MPP2: variants seen among roughly 807,000 people sequenced by gnomAD.
The protein encoded by MPP2 is MAGUK p55 scaffold protein 2, also known as MAGUK p55 subfamily member 2.
In MPP2, 42 loss-of-function variants were observed where a neutral mutation model predicts 58.5. The observed-to-expected ratio is 0.72, with a 90% CI of 0.56 to 0.93. MPP2 has a LOEUF of 0.93. Ranked by LOEUF, MPP2 falls within the 40% of genes least tolerant of loss-of-function variation. MPP2 has a pLI of 0.00. For missense variants in MPP2, 632 were observed against 760.4 expected (o/e 0.83, Z 1.99); for synonymous variants, 300 against 307.8 (o/e 0.97, Z 0.26).
At chr17:43,886,239 T>C (rs1027462510) in intron 3 of MPP2, among the ~76,000 whole-genome samples, 1 of 152,156 alleles carries the variant, frequency 6.6e-6, no homozygotes, top group Admixed American at 6.5e-5. Flanking sequence ...AAATATGTCA[T>C]AGAAATCACT....
chr17:43,893,172 C>G (rs1397639633), intron 3 of MPP2, among the ~76,000 whole-genome samples: 2 of 152,154 alleles, frequency 1.3e-5, no homozygotes, highest in Non-Finnish European at 2.9e-5. Context: ...GGCAAGAGGG[C>G]TGTCTCATTC....
At chr17:43,896,111 C>T (rs2047835612) in intron 3 of MPP2, among the ~76,000 whole-genome samples, 2 of 152,132 alleles carry the variant, frequency 1.3e-5, no homozygotes, top group African/African-American at 2.4e-5. Flanking sequence ...ACAGAGTCCC[C>T]GCTCTACAGA....
rs182429499 is a variant in MPP2 at position 43,893,592 on chromosome 17, C to T, written c.150+4670G>A. Among the ~76,000 whole-genome samples, 266 of 152,350 alleles carry T rather than the reference C, an allele frequency of 1.7e-3. 1 individual carries two copies. The highest frequency in any genetic ancestry group is 6.2e-3 in the African/African-American group (257 of 41,586). ...AACAGCAGGAGGTGAGCAAGCATTA[C>T]TGCCTGAGCTCCACCTCCTGTCAGA... On this transcript the variant is annotated intron_variant, in intron 3 of 12. Transcript: ENST00000269095.
chr17:43,901,600 C>T (rs2048098852), intron 2 of MPP2: 1 of 985,276 alleles, frequency 1.0e-6, no homozygotes, highest in Non-Finnish European at 1.2e-6. Flanking sequence ...TAGAATTACA[C>T]ACCAGGACAG....
upstream of MPP2, among the ~76,000 whole-genome samples, chr17:43,908,833 G>A (rs2048374477): frequency 6.6e-6 from 1 of 152,236 alleles, no homozygotes; most frequent in Non-Finnish European, 1.5e-5. Flanking sequence ...TCTCCCCTGA[G>A]TTCCAAGGGT....
chr17:43,891,526 A>C (rs1432162741), intron 3 of MPP2, among the ~76,000 whole-genome samples: 1 of 151,902 alleles, frequency 6.6e-6, no homozygotes, highest in East Asian at 1.9e-4. Context: ...AAAAAAAAAA[A>C]AACTTACACT....
At chr17:43,892,035 G>A (rs767246048) in intron 3 of MPP2, among the ~76,000 whole-genome samples, 15 of 152,198 alleles carry the variant, frequency 9.9e-5, no homozygotes, top group Non-Finnish European at 1.3e-4. Flanking sequence ...CATGTCAGCC[G>A]TCCCAGATGC....
In MPP2 at chr17:43,876,010, A is replaced by G. The variant is rs1392305035; in HGVS notation, c.*1797T>C. ...CAGAGCTGAATCAGGATGAAAGGAC[A>G]CTGACTAAGGGAAAAGAGGAGCAGG... On this transcript the variant is annotated 3_prime_UTR_variant, in exon 13 of 13. Coordinates refer to ENST00000269095, the MANE Select transcript of MPP2 (RefSeq NM_005374.5). The G allele has an allele frequency of 2.6e-5, 4 of 152,344 alleles. No homozygotes were observed. The highest frequency in any genetic ancestry group is 9.7e-5 in the African/African-American group (4 of 41,424). 9.4% of individuals were successfully genotyped at this position (152,344 alleles called of 1,614,324 possible). A position where few individuals can be genotyped will look rare whatever the true frequency, so the allele number is the denominator to read the frequency against.
intron 2 of MPP2, 67 bp downstream of exon 2, chr17:43,904,363 C>A: frequency 1.3e-6 from 2 of 1,520,144 alleles, no homozygotes; most frequent in South Asian, 2.3e-5. Flanking sequence ...CAAGTGCCCA[C>A]CCCTAAGTCC....
chr17:43,906,024 C>T, intron 1 of MPP2: 1 of 902,188 alleles, frequency 1.1e-6, no homozygotes, highest in Non-Finnish European at 1.3e-6. Flanking sequence ...CCAATCTCTA[C>T]TCCTAGAGAG....
rs776560597 is a variant in MPP2 at position 43,879,362 on chromosome 17, C to G, written c.1395G>C (p.Val465=). Residue 465 remains valine, a synonymous_variant, in exon 12 of 13, where the codon GTG becomes GTC. Transcript: ENST00000269095. This position sits in a 1 kb window ranked among gnomAD's most constrained non-coding sequence, Gnocchi z 4.1. Reference sequence around the variant, plus strand: ...CGAAGTCTGGGGCCTCGATGAACACCACGTAAGGGACAAACTCGGCCGTTC... The same window carrying G: ...CGAAGTCTGGGGCCTCGATGAACACGACGTAAGGGACAAACTCGGCCGTTC... ...VLRTAEFVPY[V]VFIEAPDFET... 6 of 1,614,120 alleles carry G rather than the reference C, an allele frequency of 3.7e-6. No homozygotes were observed. The South Asian group carries it at 6.6e-5, about 18-fold the overall frequency.
intron 3 of MPP2, 77 bp from the exon 4 acceptor site, chr17:43,883,432 G>A: frequency 1.3e-6 from 2 of 1,499,116 alleles, no homozygotes; most frequent in Non-Finnish European, 1.8e-6. Flanking sequence ...TCCTCCCTCA[G>A]CCCCCAGGCA....
At chr17:43,889,791 G>A (rs2047522278) in intron 3 of MPP2, among the ~76,000 whole-genome samples, 1 of 145,106 alleles carries the variant, frequency 6.9e-6, no homozygotes, top group Non-Finnish European at 1.5e-5. Context: ...AGGGAATTGT[G>A]TCTGTCCAAA....
intron 3 of MPP2, among the ~76,000 whole-genome samples, chr17:43,896,038 C>A (rs545843782): frequency 6.6e-6 from 1 of 152,292 alleles, no homozygotes; most frequent in African/African-American, 2.4e-5. Context: ...CAGCAGCAAT[C>A]CCCACTCCAG....
At chr17:43,890,499 A>G (rs1238244833) in intron 3 of MPP2, among the ~76,000 whole-genome samples, 3 of 152,170 alleles carry the variant, frequency 2.0e-5, no homozygotes, top group African/African-American at 7.2e-5. Context: ...CAGTCATTTC[A>G]CTGAAAAGTT....
At chr17:43,901,073 G>A (rs1204453185) in intron 2 of MPP2, among the ~76,000 whole-genome samples, 1 of 152,044 alleles carries the variant, frequency 6.6e-6, no homozygotes, top group African/African-American at 2.4e-5. Context: ...CCCTCTCCAG[G>A]CCCTGTTTCC....
At position 43,898,334 on chromosome 17, in the gene MPP2, C is replaced by T. The variant is rs150562864; in HGVS notation, c.78G>A (p.Thr26=). 732 of 1,614,194 alleles carry T rather than the reference C, an allele frequency of 4.5e-4. 1 individual carries two copies. In the African/African-American group the frequency reaches 6.4e-3, roughly 14 times the overall value. The part of the protein sequence containing the change: ...LDNLGSLPSA[T]GAAELDLIFL... ...AGATCAGGTCCAGCTCTGCAGCCCC[C>T]GTGGCACTGGGGAGGGATCCCAAGT... Residue 26 remains threonine, a synonymous_variant, in exon 3 of 13, where the codon ACG becomes ACA. Coordinates refer to ENST00000269095, the MANE Select transcript of MPP2 (RefSeq NM_005374.5).
At chr17:43,895,637 CTA>C (rs1254006978) in intron 3 of MPP2, among the ~76,000 whole-genome samples, 7 of 152,086 alleles carry the variant, frequency 4.6e-5, no homozygotes, top group Non-Finnish European at 8.8e-5. Context: ...ATGGAAGTCT[CTA>C]TGTTTGAAAT....
At chr17:43,907,544 A>G, upstream of MPP2, 1 of 985,484 alleles carries the variant, frequency 1.0e-6, no homozygotes, top group Non-Finnish European at 1.2e-6. Context: ...ATTGCTTGTC[A>G]ATCGCTAGCC....
Sources: allele counts gnomAD v4.1 joint callset (sites outside exome capture counted in the v4.1 genomes callset), GRCh38; gene constraint gnomAD v4.1.1; non-coding constraint Gnocchi (gnomAD v3.1); transcripts MANE v1.5; gene names NCBI Gene and HGNC (gene_info 2026-07-23, HGNC 2026-07-21).